GSK3B: variants seen among roughly 807,000 people sequenced by gnomAD.
GSK3B encodes the protein glycogen synthase kinase 3 beta.
Under a neutral mutation model 56.4 loss-of-function variants are expected in GSK3B, and 15 were observed. That is an observed-to-expected ratio of 0.27 (90% confidence interval 0.18 to 0.41). The LOEUF (loss-of-function observed/expected upper bound fraction) is 0.41. GSK3B is among the 10% of genes least tolerant of loss of function. The pLI is 1.00. For synonymous variants in GSK3B, 181 were observed against 188.9 expected, an observed-to-expected ratio of 0.96 and a Z score of 0.34; for missense variants, 300 against 513.4, an observed-to-expected ratio of 0.58 and a Z score of 4.02.
At chr3:119,985,443 G>A (rs1281259201) in intron 2 of GSK3B, among the ~76,000 whole-genome samples, 9 of 152,102 alleles carry the variant, frequency 5.9e-5, no homozygotes, top group Admixed American at 1.3e-4. Flanking sequence ...AAACTCCACC[G>A]TCTCAGCCCA....
At chr3:119,909,085 C>G (rs9871701) in intron 6 of GSK3B, among the ~76,000 whole-genome samples, 2,770 of 152,186 alleles carry the variant, frequency 0.018, 92 homozygotes, top group African/African-American at 0.063. Flanking sequence ...GTGGTGGAGT[C>G]TCAGCTCACT....
At chr3:119,948,442 G>A (rs9816765) in intron 2 of GSK3B, among the ~76,000 whole-genome samples, 2,754 of 152,142 alleles carry the variant, frequency 0.018, 91 homozygotes, top group African/African-American at 0.063. Context: ...TGTGTACAAT[G>A]GTATTTAAAA....
At chr3:120,059,404 A>AAC (rs558425774) in intron 1 of GSK3B, among the ~76,000 whole-genome samples, 5 of 152,190 alleles carry the variant, frequency 3.3e-5, no homozygotes, top group Non-Finnish European at 7.3e-5. Context: ...TGGAACACCT[A>AAC]ACACACACTG....
chr3:119,999,134 T>C (rs909973686), intron 2 of GSK3B, among the ~76,000 whole-genome samples: 1 of 152,218 alleles, frequency 6.6e-6, no homozygotes, highest in Non-Finnish European at 1.5e-5. Flanking sequence ...CAATAAAATA[T>C]AATGCAACCA....
rs532998650 is a variant in GSK3B, at chr3:120,007,056, G to C, written c.89-4817C>G. Among the ~76,000 whole-genome samples, 16 of 152,076 alleles carry C rather than the reference G, an allele frequency of 1.1e-4. No individual in the cohort carries two copies. In the East Asian group the frequency reaches 2.9e-3, roughly 28 times the overall value. On this transcript the variant is annotated intron_variant, in intron 1 of 10. Transcript: ENST00000264235. Reference sequence around the variant, plus strand: ...GAAGAAACGAGAGAAGAATCAAATAGATGCAATAAAAAATGATAAAGGGGA... The same window carrying C: ...GAAGAAACGAGAGAAGAATCAAATACATGCAATAAAAAATGATAAAGGGGA...
Position 119,823,145 on chromosome 3 carries a change from TG to T in GSK3B, c.*3642del, listed in dbSNP as rs1471413386. 1 of 230,284 alleles carries T rather than the reference TG, an allele frequency of 4.3e-6. No homozygotes were observed. Among genetic ancestry groups the T allele is most frequent in the African/African-American group, 2.2e-5 (1 of 45,178 alleles). The allele number at this position is 230,284 out of a possible 1,614,324, so 14.3% of individuals were successfully genotyped here. A position where few individuals can be genotyped will look rare whatever the true frequency, so the allele number is the denominator to read the frequency against. On this transcript the variant is annotated 3_prime_UTR_variant, in exon 11 of 11. Transcript: ENST00000264235. ...GTTTCAAAAATAGTAACCTTTGGTT[TG>T]GTAGTTTTTTCTTCTATTCAAGACA...
rs1392902847 is a variant in GSK3B, at chr3:120,094,039, GGGCGGT to G, written c.-611_-606del. Reference sequence around the variant, plus strand: ...GCGGAGTCGCGAGTCAGTCAGAGGCGGGCGGTGGCGGTGGCGGCGGCTCCTCTCCTC... The same window carrying G: ...GCGGAGTCGCGAGTCAGTCAGAGGCGGGCGGTGGCGGCGGCTCCTCTCCTC... On this transcript the variant is annotated 5_prime_UTR_variant, in exon 1 of 11. Coordinates refer to ENST00000264235, the MANE Select transcript of GSK3B (RefSeq NM_001146156.2). The G allele has an allele frequency of 1.8e-5, 4 of 225,970 alleles. No individual in the cohort carries two copies. Among genetic ancestry groups the G allele is most frequent in the Non-Finnish European group, 3.6e-5 (4 of 112,464 alleles). 14.0% of individuals were successfully genotyped at this position (225,970 alleles called of 1,614,324 possible).
intron 7 of GSK3B, among the ~76,000 whole-genome samples, chr3:119,884,809 T>C (rs887970662): frequency 6.6e-6 from 1 of 152,042 alleles, no homozygotes; most frequent in Non-Finnish European, 1.5e-5. Flanking sequence ...TTTTGGCAAC[T>C]TAAAAAAAAC....
rs373709660 is a variant in GSK3B, at chr3:119,906,208, T to G, written c.716-356A>C. 2.0e-4 allele frequency among the ~76,000 whole-genome samples: 30 copies of G among 152,228 alleles called. No individual in the cohort carries two copies. The South Asian group carries it at 2.5e-3, about 13-fold the overall frequency. ...AAATAAGTCAAAGTGACACAACGTCTGCATATTAGTAGGTACTTACAGAGG... is the reference window on the plus strand; with the variant it reads ...AAATAAGTCAAAGTGACACAACGTCGGCATATTAGTAGGTACTTACAGAGG... On this transcript the variant is annotated intron_variant, in intron 6 of 10. Coordinates refer to ENST00000264235, the MANE Select transcript of GSK3B (RefSeq NM_001146156.2).
rs762427402 is a variant in GSK3B at position 120,093,483 on chromosome 3, CTTTT to C, written c.-53_-50del. On this transcript the variant is annotated 5_prime_UTR_variant, in exon 1 of 11. Coordinates refer to ENST00000264235, the MANE Select transcript of GSK3B (RefSeq NM_001146156.2). Reference sequence around the variant, plus strand: ...TTTTCCTTCCTTCCTCCTTTTCTTCCTTTTGTCTTTATGTTGGGGTGTTAGGTTA... The same window carrying C: ...TTTTCCTTCCTTCCTCCTTTTCTTCCGTCTTTATGTTGGGGTGTTAGGTTA... 1 of 1,243,064 alleles carries C rather than the reference CTTTT, an allele frequency of 8.0e-7. No individual in the cohort carries two copies. The highest frequency in any genetic ancestry group is 1.2e-6 in the Non-Finnish European group (1 of 843,174). 77.0% of individuals were successfully genotyped at this position (1,243,064 alleles called of 1,614,324 possible).
At chr3:120,054,724 T>C (rs1407467625) in intron 1 of GSK3B, among the ~76,000 whole-genome samples, 1 of 152,176 alleles carries the variant, frequency 6.6e-6, no homozygotes, top group Non-Finnish European at 1.5e-5. Context: ...CATCAGCTCA[T>C]ACAAGTCTCC....
intron 1 of GSK3B, among the ~76,000 whole-genome samples, chr3:120,082,690 G>T (rs530680317): frequency 6.6e-6 from 1 of 151,714 alleles, no homozygotes; most frequent in Non-Finnish European, 1.5e-5. Context: ...CACCGCGCCC[G>T]GCCCCCAAAT....
At chr3:119,947,219 A>G in intron 3 of GSK3B, 49 bp downstream of exon 3, 1 of 1,092,094 alleles carries the variant, frequency 9.2e-7, no homozygotes, top group Non-Finnish European at 1.4e-6. Flanking sequence ...TTTCTAGAAA[A>G]ATAACAAATT....
intron 9 of GSK3B, among the ~76,000 whole-genome samples, chr3:119,850,579 GT>G (rs146518809): frequency 7.3e-5 from 11 of 151,100 alleles, no homozygotes; most frequent in Non-Finnish European, 1.6e-4. Context: ...AGTTCAAAAT[GT>G]TTTTTTTTAA....
chr3:119,924,479 G>C lies in GSK3B; in HGVS notation c.367-996C>G, dbSNP rs564003822. Reference sequence around the variant, plus strand: ...TTCCATATTATCAGTGGCCACAGCAGAGGAAATAAAAGTATAAAAGAGATG... The same window carrying C: ...TTCCATATTATCAGTGGCCACAGCACAGGAAATAAAAGTATAAAAGAGATG... On this transcript the variant is annotated intron_variant, in intron 3 of 10. Transcript: ENST00000264235. 1.9e-4 allele frequency among the ~76,000 whole-genome samples: 29 copies of C among 152,300 alleles called. No individual in the cohort carries two copies. The South Asian group carries it at 5.6e-3, about 29-fold the overall frequency.
rs1037543739 is a variant in GSK3B, at chr3:119,822,991, G to A, written c.*3797C>T. The A allele has an allele frequency of 1.3e-5, 3 of 229,716 alleles. No homozygotes were observed. In the Admixed American group the frequency reaches 1.7e-4, roughly 13 times the overall value. The allele number at this position is 229,716 out of a possible 1,614,324, so 14.2% of individuals were successfully genotyped here. A position where few individuals can be genotyped will look rare whatever the true frequency, so the allele number is the denominator to read the frequency against. On this transcript the variant is annotated 3_prime_UTR_variant, in exon 11 of 11. Transcript: ENST00000264235. ...TTGCATTGGTGCAGACAAGATGACT[G>A]GTTAGGCATACATTGTTAAAACATA...
intron 1 of GSK3B, among the ~76,000 whole-genome samples, chr3:120,009,384 G>A (rs888345573): frequency 6.6e-6 from 1 of 152,082 alleles, no homozygotes; most frequent in African/African-American, 2.4e-5. Context: ...ACATGCACAC[G>A]TACATTTACT....
intron 8 of GSK3B, chr3:119,866,441 T>C: frequency 1.4e-6 from 1 of 714,124 alleles, no homozygotes; most frequent in Non-Finnish European, 2.5e-6. Context: ...ACCTATGCCA[T>C]ACAGTGAATA....
At chr3:120,063,486 G>A (rs551142110) in intron 1 of GSK3B, among the ~76,000 whole-genome samples, 105 of 152,248 alleles carry the variant, frequency 6.9e-4, no homozygotes, top group Middle Eastern at 3.4e-3. Flanking sequence ...CAGCACTTTG[G>A]GAAGCCAAGG....
Sources: gnomAD v4.1 joint callset for allele counts (sites outside exome capture counted in the v4.1 genomes callset) on GRCh38, gnomAD v4.1.1 for gene constraint, MANE v1.5 for transcripts, NCBI Gene and HGNC (gene_info 2026-07-23, HGNC 2026-07-21) for gene names.